Variants in MAU2 observed in about 807,000 individuals in gnomAD.
The protein encoded by MAU2 is MAU2 sister chromatid cohesion factor.
MAU2 carries 9 observed loss-of-function variants against 89.1 expected under a neutral mutation model. That is an observed-to-expected ratio of 0.10 (90% CI 0.06 to 0.18). The LOEUF (loss-of-function observed/expected upper bound fraction) is 0.18. Ranked by LOEUF, MAU2 falls within the 10% of genes least tolerant of loss-of-function variation. The probability of loss-of-function intolerance (pLI) is 1.00; values close to 1 mark genes in which losing one functional copy is unlikely to be tolerated. For missense variants in MAU2, 425 were observed against 803.5 expected (o/e 0.53, Z 5.69); for synonymous variants, 357 against 343.4 (o/e 1.04, Z -0.44).
chr19:19,326,864 C>T (rs923854897), intron 1 of MAU2, among the ~76,000 whole-genome samples: 1 of 149,878 alleles, frequency 6.7e-6, no homozygotes, highest in Admixed American at 6.7e-5. Flanking sequence ...TGCACTCCAC[C>T]CTGGACAACA....
At chr19:19,351,837 A>ATTT (rs35932608) in intron 16 of MAU2, among the ~76,000 whole-genome samples, 17 of 58,918 alleles carry the variant, frequency 2.9e-4, no homozygotes, top group East Asian at 6.5e-4. Flanking sequence ...CTGTTTGGTA[A>ATTT]TTTTTTTTTT....
chr19:19,355,580 C>G (rs2048168358), intron 18 of MAU2, 128 bp from the exon 19 acceptor site: 1 of 1,181,988 alleles, frequency 8.5e-7, no homozygotes, highest in Admixed American at 2.2e-5. Flanking sequence ...TCCTCGGGGC[C>G]CATTGGACTG....
intron 17 of MAU2, 64 bp from the exon 18 acceptor site, chr19:19,355,200 C>T (rs1042931181): frequency 4.4e-6 from 7 of 1,603,428 alleles, no homozygotes; most frequent in African/African-American, 2.7e-5. Flanking sequence ...CCATCTGCAC[C>T]GAGTGGGAGG....
intron 4 of MAU2, 30 bp from the exon 5 acceptor site, chr19:19,338,815 G>T: frequency 1.3e-6 from 2 of 1,563,544 alleles, no homozygotes; most frequent in Non-Finnish European, 1.8e-6. Flanking sequence ...GGGTTTGGCA[G>T]CAAAGGTCAC....
chr19:19,351,287 A>G (rs2146708326), intron 16 of MAU2, among the ~76,000 whole-genome samples: 1 of 151,730 alleles, frequency 6.6e-6, no homozygotes, highest in Non-Finnish European at 1.5e-5. Flanking sequence ...AGCTCAAGCG[A>G]TCCACCCACT....
At chr19:19,336,376 C>T (rs1332399086) in intron 3 of MAU2, among the ~76,000 whole-genome samples, 189 bp downstream of exon 3, 4 of 152,164 alleles carry the variant, frequency 2.6e-5, no homozygotes, top group South Asian at 2.1e-4. Context: ...CATGGCTCAC[C>T]GCAGCCTTAA....
At chr19:19,328,416 C>G (rs1316196432) in intron 1 of MAU2, among the ~76,000 whole-genome samples, 4 of 151,702 alleles carry the variant, frequency 2.6e-5, no homozygotes, top group African/African-American at 9.7e-5. Context: ...ATCCGTTTCC[C>G]CCTTAACTTT....
intron 3 of MAU2, among the ~76,000 whole-genome samples, chr19:19,336,572 C>T (rs1271008826): frequency 1.3e-5 from 2 of 152,224 alleles, no homozygotes; most frequent in African/African-American, 4.8e-5. Flanking sequence ...CTGTGCCCAG[C>T]CCGGTGGCTT....
chr19:19,341,544 C>A, intron 7 of MAU2, 137 bp downstream of exon 7: 1 of 1,052,510 alleles, frequency 9.5e-7, no homozygotes, highest in Non-Finnish European at 1.4e-6. Flanking sequence ...CATACCAGTC[C>A]CGGACACACA....
At chr19:19,322,985 G>A (rs970255172) in intron 1 of MAU2, among the ~76,000 whole-genome samples, 1 of 152,058 alleles carries the variant, frequency 6.6e-6, no homozygotes, top group Non-Finnish European at 1.5e-5. Flanking sequence ...CCGTCTCCCG[G>A]GTTCAAGTGA....
Position 19,345,183 on chromosome 19 carries a change from T to A in MAU2, c.1156-121T>A. The stretch of plus-strand genomic sequence containing the variant: ...GCATATTACCTGCCTTGCAGCTGGC[T>A]CGGTAGAGCCATTGTCATACTCCTC... On this transcript the variant is annotated intron_variant, in intron 11 of 18. Transcript: ENST00000262815. The surrounding 1 kb of genome is among the most constrained non-coding windows in gnomAD (Gnocchi z 4.9). The A allele has an allele frequency of 2.2e-6, 2 of 895,466 alleles. 1 individual carries two copies. The highest frequency in any genetic ancestry group is 2.9e-5 in the South Asian group (2 of 68,484). The allele number at this position is 895,466 out of a possible 1,614,324, so 55.5% of individuals were successfully genotyped here.
Position 19,334,690 on chromosome 19 carries a change from C to G in MAU2, c.277-1028C>G, listed in dbSNP as rs560879758. Reference sequence around the variant, plus strand: ...CCTCAGCTAGGAGTGGCCGCTGTTGCCGCATGAGTGGCAGAGACCATCGGG... The same window carrying G: ...CCTCAGCTAGGAGTGGCCGCTGTTGGCGCATGAGTGGCAGAGACCATCGGG... On this transcript the variant is annotated intron_variant, in intron 1 of 18. Transcript: ENST00000262815. The G allele has an allele frequency of 4.4e-5, 35 of 790,242 alleles. No homozygotes were observed. In the East Asian group the frequency reaches 3.3e-3, roughly 74 times the overall value. 49.0% of individuals were successfully genotyped at this position (790,242 alleles called of 1,614,324 possible). A position where few individuals can be genotyped will look rare whatever the true frequency, so the allele number is the denominator to read the frequency against.
In MAU2 at chr19:19,320,871, G is replaced by A. The variant is rs767453682; in HGVS notation, c.12G>A (p.Gln4=). 1 of 1,519,798 alleles carries A rather than the reference G, an allele frequency of 6.6e-7. No homozygotes were observed. The highest frequency in any genetic ancestry group is 8.8e-7 in the Non-Finnish European group (1 of 1,140,686). The allele number at this position is 1,519,798 out of a possible 1,614,324, so 94.1% of individuals were successfully genotyped here. A position where few individuals can be genotyped will look rare whatever the true frequency, so the allele number is the denominator to read the frequency against. MAA[Q]AAAAAQAAAA... is the part of the protein sequence containing the mutation. ...TTGTGGAGGCCAAAATGGCGGCTCA[G>A]GCGGCGGCAGCGGCCCAGGCGGCGG... The change falls in exon 1 of 19, where the codon CAG becomes CAA. Residue 4 remains glutamine, a synonymous_variant. Transcript: ENST00000262815.
chr19:19,323,178 C>T (rs1223444016), intron 1 of MAU2, among the ~76,000 whole-genome samples: 2 of 151,848 alleles, frequency 1.3e-5, no homozygotes, highest in African/African-American at 2.4e-5. Context: ...TGAGCCACTG[C>T]GCCCAGCCCC....
chr19:19,349,026 A>G, intron 14 of MAU2, 88 bp downstream of exon 14: 1 of 1,553,948 alleles, frequency 6.4e-7, no homozygotes, highest in Non-Finnish European at 8.8e-7. Flanking sequence ...GCACCCTGAC[A>G]CCCCATACCC....
At chr19:19,339,063 A>G in intron 5 of MAU2, 124 bp downstream of exon 5, 1 of 759,628 alleles carries the variant, frequency 1.3e-6, no homozygotes, top group Non-Finnish European at 2.1e-6. Context: ...GTATATTCCC[A>G]GCACTTTGGA....
chr19:19,349,068 C>A (rs1354986680), intron 14 of MAU2, 87 bp from the exon 15 acceptor site: 62 of 1,557,136 alleles, frequency 4.0e-5, no homozygotes, highest in Non-Finnish European at 5.5e-5. Context: ...TGGGGGCTCT[C>A]AGAAATAGCC....
At chr19:19,322,034 G>A (rs1568644816) in intron 1 of MAU2, 4 of 146,420 alleles carry the variant, frequency 2.7e-5, no homozygotes, top group Non-Finnish European at 5.9e-5. Flanking sequence ...GTCTTGCTCT[G>A]TCACCCAGGC....
At chr19:19,324,705 G>C (rs1341676385) in intron 1 of MAU2, among the ~76,000 whole-genome samples, 2 of 152,162 alleles carry the variant, frequency 1.3e-5, no homozygotes, top group African/African-American at 4.8e-5. Flanking sequence ...TTTGAATCTT[G>C]AAGGGTCTTC....
Sources: gnomAD v4.1 joint callset for allele counts (sites outside exome capture counted in the v4.1 genomes callset) on GRCh38, gnomAD v4.1.1 for gene constraint, Gnocchi (gnomAD v3.1) non-coding constraint, MANE v1.5 for transcripts, NCBI Gene and HGNC (gene_info 2026-07-23, HGNC 2026-07-21) for gene names.